POGK: variants seen among roughly 807,000 people sequenced by gnomAD.
POGK encodes pogo transposable element with KRAB domain.
A neutral mutation model predicts 54.4 loss-of-function variants in POGK; 16 were observed. The ratio of observed to expected loss-of-function variants is 0.29; its 90% CI spans 0.20 to 0.45. POGK has a LOEUF of 0.45. POGK is among the 20% of genes least tolerant of loss of function. The pLI, the probability that POGK is intolerant of heterozygous loss-of-function variation, is 1.00. For missense variants in POGK, 515 were observed against 795.6 expected (o/e 0.65, Z 4.24); for synonymous variants, 271 against 302.2 (o/e 0.90, Z 1.07).
chr1:166,848,336 G>A (rs1304203635), intron 4 of POGK, among the ~76,000 whole-genome samples: 2 of 152,128 alleles, frequency 1.3e-5, no homozygotes. Flanking sequence ...GGTGAGATAG[G>A]GTAATTTCCC....
intron 2 of POGK, among the ~76,000 whole-genome samples, chr1:166,845,357 CAAAA>C (rs11464833): frequency 9.9e-6 from 1 of 100,920 alleles, no homozygotes. Context: ...GACTCCATCT[CAAAA>C]AAAAAAAAAA....
chr1:166,847,056 C>T (rs945971881), intron 3 of POGK, among the ~76,000 whole-genome samples: 6 of 152,164 alleles, frequency 3.9e-5, no homozygotes, highest in African/African-American at 1.4e-4. Flanking sequence ...AGAAGGCAGG[C>T]GTTAATGTTA....
rs140313785 is a variant in POGK, at chr1:166,841,041, G to T, written c.85G>T (p.Gly29Cys). ...EEIQSRELEDGPADMQKVRIC... is the reference protein window; with the variant it reads ...EEIQSRELEDCPADMQKVRIC... ...GATTCAGAGCCGGGAACTAGAGGAC[G>T]GCCCGGCAGACATGCAGAAAGTACG... is the stretch of plus-strand genomic sequence containing the variant. The change falls in exon 2 of 6, where the codon GGC becomes TGC. Residue 29 changes from glycine (G) to cysteine (C), a missense_variant. Transcript: ENST00000367876. The T allele has an allele frequency of 2.5e-6, 4 of 1,614,092 alleles. No homozygotes were observed. In the African/African-American group the frequency reaches 4.0e-5, roughly 16 times the overall value.
At chr1:166,842,834 C>A (rs1189877973) in intron 2 of POGK, among the ~76,000 whole-genome samples, 2 of 151,994 alleles carry the variant, frequency 1.3e-5, no homozygotes, top group African/African-American at 4.8e-5. Flanking sequence ...ACAGGATGCC[C>A]CCCCACCACC....
intron 2 of POGK, among the ~76,000 whole-genome samples, chr1:166,843,528 G>A (rs916668180): frequency 1.3e-5 from 2 of 152,214 alleles, no homozygotes; most frequent in Admixed American, 1.3e-4. Context: ...ACCCATAAAA[G>A]TGAGGTAGTG....
At chr1:166,844,286 G>A (rs767134370) in intron 2 of POGK, among the ~76,000 whole-genome samples, 3 of 152,126 alleles carry the variant, frequency 2.0e-5, no homozygotes, top group Non-Finnish European at 4.4e-5. Context: ...GAAATGACAG[G>A]CATAGACAGT....
At position 166,850,349 on chromosome 1, in the gene POGK, G is replaced by C; in HGVS notation, c.1770G>C (p.Leu590Phe). Residue 590 changes from leucine to phenylalanine, a missense_variant, in exon 5 of 6, where the codon TTG (leucine) becomes TTC (phenylalanine). Transcript: ENST00000367876. ...TCCTGTGGGAAATCGAGAGTGAGTT[G>C]CCAGGAGGAGGAGAACCACCAAAAG... is the stretch of plus-strand genomic sequence containing the variant. ...DDVLWEIESE[L>F]PGGGEPPKDC... 1 of 1,613,400 alleles carries C rather than the reference G, an allele frequency of 6.2e-7. No homozygotes were observed. Among genetic ancestry groups the C allele is most frequent in the Non-Finnish European group, 8.5e-7 (1 of 1,179,754 alleles).
At chr1:166,841,396 CA>C (rs1469666333) in intron 2 of POGK, among the ~76,000 whole-genome samples, 1 of 152,210 alleles carries the variant, frequency 6.6e-6, no homozygotes, top group East Asian at 1.9e-4. Flanking sequence ...TTGTAGGCAC[CA>C]AGTAAATGTT....
chr1:166,841,221 A>G (rs1022041905), intron 2 of POGK, 133 bp downstream of exon 2: 18 of 1,243,676 alleles, frequency 1.4e-5, no homozygotes, highest in Non-Finnish European at 1.7e-5. Flanking sequence ...TTCCTGAGAA[A>G]ACAGCTCTGT....
chr1:166,841,340 C>G (rs1385371458), intron 2 of POGK, among the ~76,000 whole-genome samples: 1 of 152,258 alleles, frequency 6.6e-6, no homozygotes, highest in Non-Finnish European at 1.5e-5. Flanking sequence ...GACCTTGTCT[C>G]TCTCGTTCAC....
intron 2 of POGK, among the ~76,000 whole-genome samples, chr1:166,843,487 T>C (rs1657622321): frequency 6.6e-6 from 1 of 152,232 alleles, no homozygotes; most frequent in Non-Finnish European, 1.5e-5. Context: ...TCTGTGACCT[T>C]GGACAAGTTA....
intron 2 of POGK, among the ~76,000 whole-genome samples, chr1:166,845,926 G>T (rs529334451): frequency 2.0e-5 from 3 of 152,144 alleles, no homozygotes; most frequent in Non-Finnish European, 2.9e-5. Context: ...GAATGAGTTT[G>T]CTCTGGCATC....
intron 4 of POGK, among the ~76,000 whole-genome samples, chr1:166,848,071 G>C (rs1262086050): frequency 6.6e-6 from 1 of 152,190 alleles, no homozygotes; most frequent in African/African-American, 2.4e-5. Flanking sequence ...CAAGAAAAAT[G>C]GTTATTGAGG....
At position 166,854,118 on chromosome 1, in the gene POGK, A is replaced by G. The variant is rs1231912349; in HGVS notation, c.*1548A>G. On this transcript the variant is annotated 3_prime_UTR_variant, in exon 6 of 6. Coordinates refer to ENST00000367876, the MANE Select transcript of POGK (RefSeq NM_017542.5). ...GAGCTTAAAAGATTTTACAAGACCT[A>G]ATTTTGGGTTCCTTCCTTGGAGCCA... 3 of 152,544 alleles carry G rather than the reference A, an allele frequency of 2.0e-5. No individual in the cohort carries two copies. Among genetic ancestry groups the G allele is most frequent in the Non-Finnish European group, 4.4e-5 (3 of 68,026 alleles). 9.4% of individuals were successfully genotyped at this position (152,544 alleles called of 1,614,324 possible). A position where few individuals can be genotyped will look rare whatever the true frequency, so the allele number is the denominator to read the frequency against.
At chr1:166,846,776 A>G in intron 3 of POGK, 38 bp downstream of exon 3, 5 of 1,611,876 alleles carry the variant, frequency 3.1e-6, no homozygotes, top group Non-Finnish European at 4.2e-6. Flanking sequence ...GGAAGCTCTG[A>G]GCCCAGAGAA....
Position 166,839,599 on chromosome 1 carries a change from C to T in POGK, c.-8C>T, listed in dbSNP as rs1378441813. The T allele has an allele frequency of 6.8e-6, 1 of 147,462 alleles. No individual in the cohort carries two copies. Among genetic ancestry groups the T allele is most frequent in the East Asian group, 2.0e-4 (1 of 4,994 alleles). The allele number at this position is 147,462 out of a possible 1,614,324, so 9.1% of individuals were successfully genotyped here. On this transcript the variant is annotated 5_prime_UTR_variant, in exon 1 of 6. Transcript: ENST00000367876. ...CCACCCCGCGCCCTGGCCGCTGGGC[C>T]CGGCGGTGAGTGCGCGCGGGCGGGG... is the stretch of plus-strand genomic sequence containing the variant.
intron 2 of POGK, among the ~76,000 whole-genome samples, chr1:166,842,568 G>C (rs1657558675): frequency 6.6e-6 from 1 of 152,232 alleles, no homozygotes; most frequent in Non-Finnish European, 1.5e-5. Flanking sequence ...GCCAAGATGA[G>C]GGGATGCCTC....
chr1:166,849,719 C>T lies in POGK; in HGVS notation c.1140C>T (p.Asn380=), dbSNP rs1265916236. 6.2e-7 allele frequency: 1 copy of T among 1,614,264 alleles called. No homozygotes were observed. Among genetic ancestry groups the T allele is most frequent in the South Asian group, 1.1e-5 (1 of 91,086 alleles). Reference sequence around the variant, plus strand: ...TGCCATCACGGGTAACTGTTGATAACCAGGGCGAAAAGCCTGTCTTGGTCA... The same window carrying T: ...TGCCATCACGGGTAACTGTTGATAATCAGGGCGAAAAGCCTGTCTTGGTCA... ...LEVPSRVTVD[N]QGEKPVLVKT... is the part of the protein sequence containing the mutation. Residue 380 remains asparagine, a synonymous_variant, in exon 5 of 6, where the codon AAC becomes AAT. Coordinates refer to ENST00000367876, the MANE Select transcript of POGK (RefSeq NM_017542.5).
At position 166,854,060 on chromosome 1, in the gene POGK, C is replaced by T. The variant is rs535253003; in HGVS notation, c.*1490C>T. 3 of 152,390 alleles carry T rather than the reference C, an allele frequency of 2.0e-5. No homozygotes were observed. In the South Asian group the frequency reaches 6.2e-4, roughly 32 times the overall value. The allele number at this position is 152,390 out of a possible 1,614,324, so 9.4% of individuals were successfully genotyped here. ...ATTTTTCATCTGTCCTAGTTACTGG[C>T]TCTTTCTTCATGTCTTATTTCTCTT... On this transcript the variant is annotated 3_prime_UTR_variant, in exon 6 of 6. Coordinates refer to ENST00000367876, the MANE Select transcript of POGK (RefSeq NM_017542.5).
Sources: gnomAD v4.1 joint callset for allele counts (sites outside exome capture counted in the v4.1 genomes callset) on GRCh38, gnomAD v4.1.1 for gene constraint, MANE v1.5 for transcripts, NCBI Gene and HGNC (gene_info 2026-07-23, HGNC 2026-07-21) for gene names.